Variants in PCBP3 observed in about 807,000 individuals in gnomAD.
The protein encoded by PCBP3 is poly(rC)-binding protein 3.
Under a neutral mutation model 52.7 loss-of-function variants are expected in PCBP3, and 25 were observed. The observed-to-expected ratio is 0.47, with a 90% CI of 0.35 to 0.66. The LOEUF (loss-of-function observed/expected upper bound fraction) is 0.66, where lower values mean the gene tolerates loss of function less well. Among genes scored for constraint, PCBP3 ranks in the 30% least tolerant of loss-of-function variants. The pLI, the probability that PCBP3 is intolerant of heterozygous loss-of-function variation, is 0.01. For synonymous variants in PCBP3, 162 were observed against 183.0 expected, an observed-to-expected ratio of 0.89 and a Z score of 0.93; for missense variants, 391 against 490.3, an observed-to-expected ratio of 0.80 and a Z score of 1.91.
At chr21:45,926,793 C>G (rs1281034192) in intron 13 of PCBP3, among the ~76,000 whole-genome samples, 1 of 145,948 alleles carries the variant, frequency 6.9e-6, no homozygotes. Context: ...AGAAGAATGT[C>G]CTATTCTGAG....
chr21:45,765,654 G>A (rs941497055), intron 4 of PCBP3, among the ~76,000 whole-genome samples: 2 of 152,156 alleles, frequency 1.3e-5, no homozygotes, highest in Non-Finnish European at 1.5e-5. Flanking sequence ...CTGAGGGGTC[G>A]GGGGCTTGTC....
chr21:45,728,970 G>C (rs1320296441), intron 2 of PCBP3, among the ~76,000 whole-genome samples: 1 of 152,104 alleles, frequency 6.6e-6, no homozygotes, highest in Non-Finnish European at 1.5e-5. Context: ...ACAATTTGGT[G>C]CATTCAGAAT....
intron 1 of PCBP3, among the ~76,000 whole-genome samples, chr21:45,644,537 C>T (rs1439755652): frequency 4.0e-5 from 6 of 151,680 alleles, no homozygotes; most frequent in African/African-American, 1.5e-4. Flanking sequence ...GTGATGTTTT[C>T]CAATTCCCTC....
intron 12 of PCBP3, chr21:45,916,211 G>A (rs1308161162): frequency 6.6e-6 from 1 of 152,280 alleles, no homozygotes; most frequent in Non-Finnish European, 1.5e-5. Flanking sequence ...GACAGTTGGG[G>A]CTGACCTGGG....
In PCBP3 at chr21:45,897,047, G is replaced by A. The variant is rs111388130; in HGVS notation, c.165+685G>A. On this transcript the variant is annotated intron_variant, in intron 6 of 17. Transcript: ENST00000681687. ...GGGCCATTGTCTCTGTAGGAAAGGC[G>A]GACATGGCACGCAGAACCTGACACT... Among the ~76,000 whole-genome samples, 45 of 147,056 alleles carry A rather than the reference G, an allele frequency of 3.1e-4. 1 individual carries two copies. Among genetic ancestry groups the A allele is most frequent in the African/African-American group, 1.0e-3 (39 of 38,630 alleles).
At chr21:45,780,252 C>T (rs936899690) in intron 4 of PCBP3, among the ~76,000 whole-genome samples, 12 of 152,240 alleles carry the variant, frequency 7.9e-5, no homozygotes, top group African/African-American at 2.9e-4. Flanking sequence ...TCTCAAAATA[C>T]ACACATTTAT....
intron 17 of PCBP3, 45 bp downstream of exon 17, chr21:45,940,244 G>C (rs764391232): frequency 6.5e-7 from 1 of 1,543,374 alleles, no homozygotes; most frequent in Non-Finnish European, 8.8e-7. Context: ...GGAAAGGGAC[G>C]CGCCAGCCGG....
intron 5 of PCBP3, among the ~76,000 whole-genome samples, chr21:45,859,200 A>G (rs2094421921): frequency 6.6e-6 from 1 of 152,170 alleles, no homozygotes; most frequent in Non-Finnish European, 1.5e-5. Context: ...AGCTCTGTGA[A>G]TGCCCGGCAC....
chr21:45,887,824 G>A lies in PCBP3; in HGVS notation c.11-8384G>A, dbSNP rs186018997. Among the ~76,000 whole-genome samples, 425 of 152,280 alleles carry A rather than the reference G, an allele frequency of 2.8e-3. 1 individual carries two copies. The highest frequency in any genetic ancestry group is 9.4e-3 in the African/African-American group (392 of 41,560). ...CTACTACGCACTCCCTAAGCTTCCC[G>A]GAGAGCCCTGGCTTCGTGACGACCT... is the stretch of plus-strand genomic sequence containing the variant. On this transcript the variant is annotated intron_variant, in intron 5 of 17. Coordinates refer to ENST00000681687, the MANE Select transcript of PCBP3 (RefSeq NM_001384156.1).
chr21:45,878,393 C>T (rs549070423), intron 5 of PCBP3, among the ~76,000 whole-genome samples: 5 of 152,346 alleles, frequency 3.3e-5, no homozygotes, highest in Non-Finnish European at 7.3e-5. Flanking sequence ...AAAGCCAGGC[C>T]CTGGTCAGAA....
At chr21:45,929,020 C>A (rs1054748408) in intron 13 of PCBP3, among the ~76,000 whole-genome samples, 1 of 152,228 alleles carries the variant, frequency 6.6e-6, no homozygotes, top group African/African-American at 2.4e-5. Flanking sequence ...ATGCCCTCTG[C>A]TGAGCAGCCC....
Position 45,896,047 on chromosome 21 carries a change from C to T in PCBP3, c.11-161C>T, listed in dbSNP as rs2095817206. The T allele has an allele frequency of 4.6e-6, 3 of 654,036 alleles. No individual in the cohort carries two copies. In the South Asian group the frequency reaches 5.7e-5, roughly 12 times the overall value. The allele number at this position is 654,036 out of a possible 1,614,324, so 40.5% of individuals were successfully genotyped here. On this transcript the variant is annotated intron_variant, in intron 5 of 17. Coordinates refer to ENST00000681687, the MANE Select transcript of PCBP3 (RefSeq NM_001384156.1). Reference sequence around the variant, plus strand: ...CAAGGCCCTCCCCTGAACTCCCGTGCACCCTGTGCCCAGCAGGCGAGGCCT... The same window carrying T: ...CAAGGCCCTCCCCTGAACTCCCGTGTACCCTGTGCCCAGCAGGCGAGGCCT...
At chr21:45,754,455 C>T (rs1477146248) in intron 3 of PCBP3, among the ~76,000 whole-genome samples, 1 of 152,138 alleles carries the variant, frequency 6.6e-6, no homozygotes, top group Non-Finnish European at 1.5e-5. Flanking sequence ...GCTAACCTAC[C>T]CAAATCTGCT....
chr21:45,730,868 C>A (rs932912029), intron 2 of PCBP3, among the ~76,000 whole-genome samples: 1 of 151,994 alleles, frequency 6.6e-6, no homozygotes, highest in African/African-American at 2.4e-5. Flanking sequence ...TTAGAGTTAA[C>A]ATGTCACATT....
At chr21:45,665,658 C>T (rs1310251413) in intron 1 of PCBP3, among the ~76,000 whole-genome samples, 3 of 152,072 alleles carry the variant, frequency 2.0e-5, no homozygotes, top group African/African-American at 7.2e-5. Context: ...AGCCCAGGAC[C>T]AAATGGAATC....
At chr21:45,841,423 T>C (rs1189588549) in intron 4 of PCBP3, among the ~76,000 whole-genome samples, 1 of 150,394 alleles carries the variant, frequency 6.6e-6, no homozygotes, top group Non-Finnish European at 1.5e-5. Flanking sequence ...AAAAAAAATC[T>C]AGTTGGTTCG....
intron 16 of PCBP3, among the ~76,000 whole-genome samples, chr21:45,938,934 G>A (rs894310722): frequency 2.6e-5 from 4 of 152,220 alleles, no homozygotes; most frequent in Non-Finnish European, 5.9e-5. Flanking sequence ...GCCCCTTCAC[G>A]CTTGCAAGTG....
intron 13 of PCBP3, among the ~76,000 whole-genome samples, chr21:45,925,277 C>G (rs2075244419): frequency 6.6e-6 from 1 of 152,036 alleles, no homozygotes; most frequent in Non-Finnish European, 1.5e-5. Flanking sequence ...TGTAGACTCT[C>G]AACGCACATG....
chr21:45,810,137 T>C (rs2092638631), intron 4 of PCBP3, among the ~76,000 whole-genome samples: 3 of 152,174 alleles, frequency 2.0e-5, no homozygotes, highest in Admixed American at 2.0e-4. Context: ...GTTAATATGG[T>C]AAATTACATA....
Sources: gnomAD v4.1 joint callset for allele counts (sites outside exome capture counted in the v4.1 genomes callset) on GRCh38, gnomAD v4.1.1 for gene constraint, MANE v1.5 for transcripts, NCBI Gene and HGNC (gene_info 2026-07-23, HGNC 2026-07-21) for gene names.